CSMD1: variants seen among roughly 807,000 people sequenced by gnomAD.
CSMD1 encodes CUB and sushi domain-containing protein 1.
CSMD1 carries 213 observed loss-of-function variants against 417.5 expected under a neutral mutation model. The observed-to-expected ratio is 0.51, with a 90% confidence interval of 0.46 to 0.57. The LOEUF (loss-of-function observed/expected upper bound fraction) is 0.57. Ranked by LOEUF, CSMD1 falls within the 20% of genes least tolerant of loss-of-function variation. The pLI, the probability that CSMD1 is intolerant of heterozygous loss-of-function variation, is 0.00. For missense variants in CSMD1, 6,923 were observed against 4,529.7 expected (o/e 1.53, Z -15.17); for synonymous variants, 2,862 against 1,736.8 (o/e 1.65, Z -16.11).
chr8:4,545,645 G>C (rs1053127845), intron 2 of CSMD1, among the ~76,000 whole-genome samples: 1 of 152,192 alleles, frequency 6.6e-6, no homozygotes, highest in African/African-American at 2.4e-5. Context: ...CTAGGAGTAA[G>C]ACACCCTAGG....
At chr8:2,995,256 T>C (rs1025757222) in intron 54 of CSMD1, among the ~76,000 whole-genome samples, 1 of 152,340 alleles carries the variant, frequency 6.6e-6, no homozygotes, top group Admixed American at 6.5e-5. Context: ...AACAGACATT[T>C]CACTGAAGAG....
intron 10 of CSMD1, among the ~76,000 whole-genome samples, chr8:3,558,055 C>CCAA (rs1799236725): frequency 6.8e-6 from 1 of 146,822 alleles, no homozygotes; most frequent in Admixed American, 6.7e-5. Context: ...GTCCACTCCT[C>CCAA]TGATGATGAA....
At chr8:4,852,576 G>C (rs984216096) in intron 1 of CSMD1, among the ~76,000 whole-genome samples, 4 of 152,076 alleles carry the variant, frequency 2.6e-5, no homozygotes, top group African/African-American at 7.2e-5. Context: ...GCCTAATACA[G>C]AAAAATGGTA....
At chr8:4,076,063 T>A (rs1448869857) in intron 3 of CSMD1, among the ~76,000 whole-genome samples, 2 of 152,136 alleles carry the variant, frequency 1.3e-5, no homozygotes, top group Admixed American at 1.3e-4. Context: ...TTTGGCTGTG[T>A]CCCCACCCAA....
chr8:4,175,862 T>A (rs190962081), intron 3 of CSMD1, among the ~76,000 whole-genome samples: 1 of 152,282 alleles, frequency 6.6e-6, no homozygotes, highest in African/African-American at 2.4e-5. Context: ...ACCAAAATGT[T>A]ACCAAGCGAG....
chr8:3,306,959 AATTTGC>A (rs1804906480), intron 25 of CSMD1, among the ~76,000 whole-genome samples: 1 of 152,154 alleles, frequency 6.6e-6, no homozygotes, highest in Non-Finnish European at 1.5e-5. Context: ...CATTTTCTGA[AATTTGC>A]AATGATTTTC....
At chr8:3,590,154 A>C (rs1800785210) in intron 8 of CSMD1, among the ~76,000 whole-genome samples, 2 of 152,202 alleles carry the variant, frequency 1.3e-5, no homozygotes, top group Non-Finnish European at 2.9e-5. Context: ...ACAAAATTGT[A>C]TGTACTGAAA....
intron 3 of CSMD1, among the ~76,000 whole-genome samples, chr8:4,075,895 G>A (rs769384379): frequency 1.5e-4 from 23 of 152,104 alleles, no homozygotes; most frequent in Non-Finnish European, 2.4e-4. Context: ...ATTATAATTG[G>A]AATCTTTCCC....
intron 7 of CSMD1, among the ~76,000 whole-genome samples, chr8:3,656,612 C>G (rs1374955460): frequency 6.6e-6 from 1 of 152,136 alleles, no homozygotes; most frequent in East Asian, 1.9e-4. Flanking sequence ...TTCTTCCTTG[C>G]TGGTGCAGCT....
chr8:3,426,899 G>A (rs1426046373), intron 12 of CSMD1, among the ~76,000 whole-genome samples: 1 of 152,158 alleles, frequency 6.6e-6, no homozygotes, highest in Non-Finnish European at 1.5e-5. Flanking sequence ...AGGTTTAATT[G>A]ACTCACAGTT....
At chr8:4,754,604 A>G (rs1676950) in intron 1 of CSMD1, among the ~76,000 whole-genome samples, 1 of 151,134 alleles carries the variant, frequency 6.6e-6, no homozygotes, top group Non-Finnish European at 1.5e-5. Context: ...GTAATCCTAG[A>G]ACTTTGGGAG....
chr8:4,246,042 T>A (rs1331275393), intron 3 of CSMD1, among the ~76,000 whole-genome samples: 1 of 152,182 alleles, frequency 6.6e-6, no homozygotes. Flanking sequence ...TTTTTAACTT[T>A]TAAGTTTAGT....
intron 5 of CSMD1, among the ~76,000 whole-genome samples, chr8:3,847,594 G>T (rs566213320): frequency 6.6e-6 from 1 of 152,124 alleles, no homozygotes; most frequent in East Asian, 1.9e-4. Flanking sequence ...GAAGACTGGG[G>T]TAAGGGGTCC....
intron 3 of CSMD1, among the ~76,000 whole-genome samples, chr8:4,106,069 G>C (rs975818556): frequency 2.0e-5 from 3 of 152,206 alleles, no homozygotes; most frequent in African/African-American, 7.2e-5. Flanking sequence ...CCAGGCAGGA[G>C]AAAGAGCTAT....
intron 7 of CSMD1, among the ~76,000 whole-genome samples, chr8:3,699,137 C>T (rs1025674683): frequency 3.9e-5 from 6 of 152,230 alleles, no homozygotes; most frequent in Non-Finnish European, 8.8e-5. Context: ...GACTCAGTAA[C>T]AAATGAACTC....
intron 3 of CSMD1, among the ~76,000 whole-genome samples, chr8:4,347,346 A>C (rs1378495656): frequency 6.6e-6 from 1 of 152,180 alleles, no homozygotes; most frequent in Non-Finnish European, 1.5e-5. Flanking sequence ...AAAACTACAT[A>C]ATATAATCGA....
intron 3 of CSMD1, among the ~76,000 whole-genome samples, chr8:4,377,363 G>C (rs911092133): frequency 8.5e-5 from 13 of 152,114 alleles, no homozygotes; most frequent in African/African-American, 2.4e-4. Context: ...GCTTTTAATG[G>C]TTTGCTTCCT....
At chr8:4,943,907 G>A (rs142915374) in intron 1 of CSMD1, among the ~76,000 whole-genome samples, 43 of 152,318 alleles carry the variant, frequency 2.8e-4, no homozygotes, top group African/African-American at 1.0e-3. Flanking sequence ...CAGAATTGCG[G>A]TGATGGAGGG....
intron 3 of CSMD1, among the ~76,000 whole-genome samples, chr8:4,282,179 C>T (rs1398771418): frequency 1.3e-5 from 2 of 152,160 alleles, no homozygotes; most frequent in African/African-American, 2.4e-5. Context: ...TCTGAAGTCA[C>T]GTTTTGATCA....
Sources: allele counts gnomAD v4.1 joint callset (sites outside exome capture counted in the v4.1 genomes callset), GRCh38; gene constraint gnomAD v4.1.1; transcripts MANE v1.5; gene names NCBI Gene and HGNC (gene_info 2026-07-23, HGNC 2026-07-21).